GPC5: variants seen among roughly 807,000 people sequenced by gnomAD.
The protein encoded by GPC5 is glypican-5.
GPC5 carries 47 observed loss-of-function variants against 53.9 expected under a neutral mutation model. That is an observed-to-expected ratio of 0.87 (90% CI 0.69 to 1.11). GPC5 has a LOEUF of 1.11. Among genes scored for constraint, GPC5 ranks in the 50% most tolerant of loss-of-function variants. The pLI is 0.00. For missense variants in GPC5, 748 were observed against 713.1 expected (o/e 1.05, Z -0.56); for synonymous variants, 286 against 263.3 (o/e 1.09, Z -0.84).
intron 7 of GPC5, among the ~76,000 whole-genome samples, chr13:92,861,736 C>A (rs1879192078): frequency 6.6e-6 from 1 of 152,094 alleles, no homozygotes; most frequent in East Asian, 1.9e-4. Flanking sequence ...TATTAATTTT[C>A]TTTTTATAGA....
Position 91,998,377 on chromosome 13 carries a change from C to A in GPC5, c.1401+90320C>A, listed in dbSNP as rs76573312. Among the ~76,000 whole-genome samples the A allele has an allele frequency of 3.4e-3, 522 of 152,322 alleles. 7 individuals are homozygous for A. Among genetic ancestry groups the A allele is most frequent in the African/African-American group, 0.012 (502 of 41,586 alleles). On this transcript the variant is annotated intron_variant, in intron 6 of 7. Coordinates refer to ENST00000377067, the MANE Select transcript of GPC5 (RefSeq NM_004466.6). Reference sequence around the variant, plus strand: ...TAACTTTCTGAAAACATGCCAATTTCACCAAGACAAACACATACACACACC... The same window carrying A: ...TAACTTTCTGAAAACATGCCAATTTAACCAAGACAAACACATACACACACC...
intron 7 of GPC5, among the ~76,000 whole-genome samples, chr13:92,191,648 C>T (rs576071701): frequency 7.9e-5 from 12 of 152,112 alleles, no homozygotes; most frequent in South Asian, 4.1e-4. Context: ...GAATTAACTG[C>T]GGTATATCTA....
chr13:92,226,890 G>A (rs547229626), intron 7 of GPC5, among the ~76,000 whole-genome samples: 1 of 151,910 alleles, frequency 6.6e-6, no homozygotes, highest in Non-Finnish European at 1.5e-5. Context: ...GTGAGCCACC[G>A]TACCTGGCTG....
intron 7 of GPC5, among the ~76,000 whole-genome samples, chr13:92,803,050 C>T (rs2138789406): frequency 6.6e-6 from 1 of 151,856 alleles, no homozygotes; most frequent in Non-Finnish European, 1.5e-5. Flanking sequence ...GGACCCATTC[C>T]CCCAAATTTT....
At chr13:92,556,680 A>C (rs1882505893) in intron 7 of GPC5, among the ~76,000 whole-genome samples, 1 of 151,830 alleles carries the variant, frequency 6.6e-6, no homozygotes, top group Non-Finnish European at 1.5e-5. Flanking sequence ...TTAATGTAGT[A>C]ATTTTTTCCT....
At chr13:92,517,624 C>A (rs1315726391) in intron 7 of GPC5, among the ~76,000 whole-genome samples, 1 of 152,330 alleles carries the variant, frequency 6.6e-6, no homozygotes, top group South Asian at 2.1e-4. Context: ...GAGGGTCTGA[C>A]TGTTAGAAGG....
intron 5 of GPC5, among the ~76,000 whole-genome samples, chr13:91,852,938 A>T (rs1297545274): frequency 6.6e-6 from 1 of 152,138 alleles, no homozygotes; most frequent in Non-Finnish European, 1.5e-5. Flanking sequence ...GACAGGCACC[A>T]TTCTAGGCTT....
At chr13:92,123,785 AATAC>A (rs994173568) in intron 6 of GPC5, among the ~76,000 whole-genome samples, 3 of 152,208 alleles carry the variant, frequency 2.0e-5, no homozygotes, top group African/African-American at 4.8e-5. Context: ...TTGCCTTTTA[AATAC>A]ATACATAAGA....
chr13:92,573,604 C>T (rs1477550776), intron 7 of GPC5, among the ~76,000 whole-genome samples: 2 of 152,030 alleles, frequency 1.3e-5, no homozygotes, highest in Non-Finnish European at 2.9e-5. Flanking sequence ...GTTAAAATTT[C>T]TCGGTAGAGG....
chr13:92,601,778 C>T (rs145567310), intron 7 of GPC5, among the ~76,000 whole-genome samples: 1 of 151,858 alleles, frequency 6.6e-6, no homozygotes, highest in African/African-American at 2.4e-5. Context: ...AGGAATTTAG[C>T]TAAATTTTAG....
chr13:91,705,883 C>CT (rs11411010), intron 3 of GPC5, among the ~76,000 whole-genome samples: 17,105 of 134,170 alleles, frequency 0.13, 1,794 homozygotes, highest in East Asian at 0.31. Context: ...TCTTTCTTTT[C>CT]TTTTTTTTTT....
At chr13:91,787,168 C>A (rs567853755) in intron 5 of GPC5, among the ~76,000 whole-genome samples, 1 of 152,228 alleles carries the variant, frequency 6.6e-6, no homozygotes, top group South Asian at 2.1e-4. Context: ...CATTTGCTAT[C>A]TACTCTGAAT....
chr13:92,310,020 G>A (rs576720567), intron 7 of GPC5, among the ~76,000 whole-genome samples: 1 of 152,038 alleles, frequency 6.6e-6, no homozygotes, highest in African/African-American at 2.4e-5. Context: ...GTCTGAATCT[G>A]GTTTATTTTG....
chr13:91,531,092 G>A (rs1180541619), intron 2 of GPC5, among the ~76,000 whole-genome samples: 1 of 152,124 alleles, frequency 6.6e-6, no homozygotes, highest in Non-Finnish European at 1.5e-5. Context: ...GTGACTATTG[G>A]CTCCAGCTCT....
intron 7 of GPC5, among the ~76,000 whole-genome samples, chr13:92,332,803 A>G (rs1376733189): frequency 6.6e-6 from 1 of 152,190 alleles, no homozygotes; most frequent in Non-Finnish European, 1.5e-5. Context: ...AATGAAAAGG[A>G]GAGGACAAGA....
At chr13:91,422,177 A>G (rs1037915904) in intron 1 of GPC5, among the ~76,000 whole-genome samples, 1 of 152,132 alleles carries the variant, frequency 6.6e-6, no homozygotes, top group African/African-American at 2.4e-5. Flanking sequence ...CTCAATCTCA[A>G]CTCCAAATAC....
chr13:92,067,308 G>A (rs1566420740), intron 6 of GPC5, among the ~76,000 whole-genome samples: 1 of 152,016 alleles, frequency 6.6e-6, no homozygotes, highest in Admixed American at 6.6e-5. Context: ...ACAGAAGGCA[G>A]TGTTAATAAG....
At chr13:92,236,728 T>C (rs2042573166) in intron 7 of GPC5, among the ~76,000 whole-genome samples, 1 of 152,180 alleles carries the variant, frequency 6.6e-6, no homozygotes, top group South Asian at 2.1e-4. Context: ...AATACAGATG[T>C]GTATCATGTT....
chr13:92,145,076 G>A (rs555190211), intron 7 of GPC5, 87 bp downstream of exon 7: 3 of 1,153,630 alleles, frequency 2.6e-6, no homozygotes, highest in African/African-American at 1.6e-5. Flanking sequence ...AAGAAATAAT[G>A]ACAATTCAAA....
Sources: allele counts gnomAD v4.1 joint callset (sites outside exome capture counted in the v4.1 genomes callset), GRCh38; gene constraint gnomAD v4.1.1; transcripts MANE v1.5; gene names NCBI Gene and HGNC (gene_info 2026-07-23, HGNC 2026-07-21).